Variants in EVA1C observed in about 807,000 individuals in gnomAD.
The protein encoded by EVA1C is protein eva-1 homolog C.
A neutral mutation model predicts 45.4 loss-of-function variants in EVA1C; 25 were observed. That is an observed-to-expected ratio of 0.55 (90% CI 0.40 to 0.77). The LOEUF is 0.77. Ranked by LOEUF, EVA1C falls within the 30% of genes least tolerant of loss-of-function variation. The pLI is 0.00. For missense variants in EVA1C, 479 were observed against 554.8 expected, an observed-to-expected ratio of 0.86 and a Z score of 1.37; for synonymous variants, 190 against 221.2, an observed-to-expected ratio of 0.86 and a Z score of 1.25.
At chr21:32,426,393 A>G (rs1202845692) in intron 1 of EVA1C, among the ~76,000 whole-genome samples, 1 of 152,106 alleles carries the variant, frequency 6.6e-6, no homozygotes, top group Non-Finnish European at 1.5e-5. Context: ...AACATGAAAA[A>G]GGAAGGAGAA....
At chr21:32,448,431 C>T (rs1474799524) in intron 1 of EVA1C, among the ~76,000 whole-genome samples, 1 of 152,174 alleles carries the variant, frequency 6.6e-6, no homozygotes, top group Non-Finnish European at 1.5e-5. Context: ...AAGTAAAGCA[C>T]ATGCCTGCCA....
chr21:32,489,878 C>T (rs961560426), intron 4 of EVA1C, among the ~76,000 whole-genome samples: 6 of 151,996 alleles, frequency 3.9e-5, no homozygotes, highest in Non-Finnish European at 4.4e-5. Context: ...CTCGGCTCAC[C>T]GCAACCTCTG....
chr21:32,414,029 A>T (rs2033937071), intron 1 of EVA1C, among the ~76,000 whole-genome samples: 1 of 152,246 alleles, frequency 6.6e-6, no homozygotes, highest in African/African-American at 2.4e-5. Flanking sequence ...TTTGTGCAGT[A>T]GGCTAGTACA....
chr21:32,462,551 C>T (rs1468949182), intron 3 of EVA1C, among the ~76,000 whole-genome samples: 2 of 152,242 alleles, frequency 1.3e-5, no homozygotes, highest in African/African-American at 4.8e-5. Context: ...GTGTTGGGAA[C>T]AGGCACCCCA....
Position 32,447,325 on chromosome 21 carries a change from C to T in EVA1C, c.161-5987C>T, listed in dbSNP as rs180963753. On this transcript the variant is annotated intron_variant, in intron 1 of 7. Coordinates refer to ENST00000300255, the MANE Select transcript of EVA1C (RefSeq NM_058187.5). ...TGGAGGTTGCAGTCAACCAAAATCA[C>T]GCCACTGCACTCCAGCCTGGGTGAC... Among the ~76,000 whole-genome samples, 1,219 of 151,200 alleles carry T rather than the reference C, an allele frequency of 8.1e-3. 14 individuals are homozygous for T. The highest frequency in any genetic ancestry group is 0.013 in the Non-Finnish European group (867 of 67,904).
At chr21:32,414,772 A>C (rs1278660374) in intron 1 of EVA1C, among the ~76,000 whole-genome samples, 2 of 152,152 alleles carry the variant, frequency 1.3e-5, no homozygotes, top group African/African-American at 4.8e-5. Context: ...TCCCTGAGCC[A>C]GCAGTAGGTG....
intron 1 of EVA1C, among the ~76,000 whole-genome samples, chr21:32,423,637 T>C (rs917080793): frequency 2.0e-5 from 3 of 152,070 alleles, no homozygotes; most frequent in Admixed American, 6.6e-5. Context: ...TTACATTTCC[T>C]TACATGAATT....
chr21:32,475,868 T>G (rs2036535793), intron 4 of EVA1C, among the ~76,000 whole-genome samples: 1 of 150,202 alleles, frequency 6.7e-6, no homozygotes, highest in African/African-American at 2.5e-5. Flanking sequence ...ACAGAGTTCT[T>G]TCTAAAAACT....
chr21:32,488,587 C>CATTTTTT (rs34049195), intron 4 of EVA1C, among the ~76,000 whole-genome samples: 1 of 148,052 alleles, frequency 6.8e-6, no homozygotes, highest in African/African-American at 2.5e-5. Context: ...AGCTGTTGGC[C>CATTTTTT]TTTTTTTTTT....
intron 4 of EVA1C, among the ~76,000 whole-genome samples, chr21:32,485,992 G>A (rs367913763): frequency 4.6e-5 from 7 of 152,176 alleles, no homozygotes; most frequent in East Asian, 1.9e-4. Flanking sequence ...GTAAGGTTTC[G>A]GCATAAACAG....
rs564660303 is a variant in EVA1C, at chr21:32,483,817, C to T, written c.635-11210C>T. On this transcript the variant is annotated intron_variant, in intron 4 of 7. Coordinates refer to ENST00000300255, the MANE Select transcript of EVA1C (RefSeq NM_058187.5). ...CCAGCACCTGATTCTTTTTATCAGG[C>T]TTGTGGAATGGTACCTTAGCAAAAT... Among the ~76,000 whole-genome samples, 3 of 152,144 alleles carry T rather than the reference C, an allele frequency of 2.0e-5. No homozygotes were observed. The South Asian group carries it at 6.2e-4, about 32-fold the overall frequency.
intron 4 of EVA1C, among the ~76,000 whole-genome samples, chr21:32,487,743 A>G (rs2037021068): frequency 6.6e-6 from 1 of 150,646 alleles, no homozygotes; most frequent in South Asian, 2.1e-4. Flanking sequence ...AAGAGAGAGT[A>G]GAACCCCCAG....
At chr21:32,427,648 G>A (rs2146141061) in intron 1 of EVA1C, among the ~76,000 whole-genome samples, 1 of 152,030 alleles carries the variant, frequency 6.6e-6, no homozygotes, top group South Asian at 2.1e-4. Flanking sequence ...GGGAGGCGGA[G>A]GTTGCAGTGA....
intron 4 of EVA1C, among the ~76,000 whole-genome samples, chr21:32,484,529 G>A (rs1219823291): frequency 6.7e-6 from 1 of 149,774 alleles, no homozygotes; most frequent in East Asian, 2.0e-4. Context: ...GGGCGACAAA[G>A]AGAGACTCCA....
At chr21:32,495,308 C>A (rs1283738087) in intron 5 of EVA1C, 138 bp downstream of exon 5, 2 of 746,800 alleles carry the variant, frequency 2.7e-6, no homozygotes, top group Admixed American at 3.3e-5. Context: ...TCCCAGATAC[C>A]CGAGAGCCCT....
intron 1 of EVA1C, among the ~76,000 whole-genome samples, chr21:32,443,017 G>C (rs1383355404): frequency 2.2e-5 from 3 of 137,648 alleles, no homozygotes; most frequent in Non-Finnish European, 4.7e-5. Flanking sequence ...AGGGAGGGAG[G>C]GAGGGAAGGA....
At chr21:32,475,899 CTA>C (rs1303722587) in intron 4 of EVA1C, among the ~76,000 whole-genome samples, 1 of 150,708 alleles carries the variant, frequency 6.6e-6, no homozygotes, top group Non-Finnish European at 1.5e-5. Flanking sequence ...ATCTATCTAT[CTA>C]TCTATCTATC....
At chr21:32,413,365 TTG>T (rs751665785) in intron 1 of EVA1C, among the ~76,000 whole-genome samples, 1 of 152,226 alleles carries the variant, frequency 6.6e-6, no homozygotes, top group Non-Finnish European at 1.5e-5. Context: ...AATACACGTG[TTG>T]TGGTCGGAGG....
intron 4 of EVA1C, among the ~76,000 whole-genome samples, chr21:32,469,133 A>G (rs371178664): frequency 1.3e-5 from 2 of 152,110 alleles, no homozygotes; most frequent in South Asian, 4.1e-4. Flanking sequence ...TGGGGGAGTC[A>G]TCAATGGCAC....
Sources: gnomAD v4.1 joint callset for allele counts (sites outside exome capture counted in the v4.1 genomes callset) on GRCh38, gnomAD v4.1.1 for gene constraint, MANE v1.5 for transcripts, NCBI Gene and HGNC (gene_info 2026-07-23, HGNC 2026-07-21) for gene names.